Variants in RASEF observed in about 807,000 individuals in gnomAD.
RASEF encodes the protein ras and EF-hand domain-containing protein.
RASEF carries 68 observed loss-of-function variants against 90.1 expected under a neutral mutation model. The ratio of observed to expected loss-of-function variants is 0.75; its 90% confidence interval spans 0.62 to 0.92. The LOEUF (loss-of-function observed/expected upper bound fraction) is 0.92. RASEF is among the 40% of genes least tolerant of loss of function. RASEF has a pLI of 0.00. For missense variants in RASEF, 949 were observed against 937.2 expected, an observed-to-expected ratio of 1.01 and a Z score of -0.16; for synonymous variants, 331 against 345.2, an observed-to-expected ratio of 0.96 and a Z score of 0.46.
chr9:83,199,894 G>A, the RASEF span, among the ~76,000 whole-genome samples: 3 of 152,102 alleles, frequency 2.0e-5, no homozygotes, highest in African/African-American at 7.2e-5. Context: ...CATCAGTCAG[G>A]AACTGGTTAA....
At chr9:83,055,362 T>C (rs1830083705) in intron 1 of RASEF, 1 of 464,006 alleles carries the variant, frequency 2.2e-6, no homozygotes, top group African/African-American at 2.1e-5. Context: ...CCCTGACCCC[T>C]TGCGCTTCCC....
chr9:83,018,148 A>C (rs1430984114), intron 3 of RASEF, among the ~76,000 whole-genome samples: 2 of 152,242 alleles, frequency 1.3e-5, no homozygotes, highest in African/African-American at 4.8e-5. Flanking sequence ...TAAGGCAAGA[A>C]AAATAAAAAG....
chr9:83,133,395 T>C, the RASEF span, among the ~76,000 whole-genome samples: 2 of 152,196 alleles, frequency 1.3e-5, no homozygotes, highest in Non-Finnish European at 2.9e-5. Flanking sequence ...GAAATGGTAA[T>C]TAAGCTAAAG....
chr9:83,071,477 C>T, the RASEF span, among the ~76,000 whole-genome samples: 1 of 152,288 alleles, frequency 6.6e-6, no homozygotes, highest in South Asian at 2.1e-4. Flanking sequence ...ACCATCTCAG[C>T]TCATGGCAAC....
chr9:83,129,276 G>A, the RASEF span, among the ~76,000 whole-genome samples: 3 of 151,808 alleles, frequency 2.0e-5, no homozygotes, highest in Admixed American at 6.6e-5. Context: ...GCATGGTGGC[G>A]GGCACCTGTG....
the RASEF span, among the ~76,000 whole-genome samples, chr9:83,145,574 A>G: frequency 2.6e-5 from 4 of 152,094 alleles, no homozygotes; most frequent in Admixed American, 1.3e-4. Flanking sequence ...AGGTTGGTCT[A>G]TTGACAGAGC....
At chr9:83,199,744 G>A in the RASEF span, among the ~76,000 whole-genome samples, 6 of 152,216 alleles carry the variant, frequency 3.9e-5, no homozygotes, top group South Asian at 2.1e-4. Context: ...CAGGGCATGG[G>A]TGCTGGTGAG....
At chr9:83,169,578 TTTTGTTTG>T in the RASEF span, among the ~76,000 whole-genome samples, 1 of 151,744 alleles carries the variant, frequency 6.6e-6, no homozygotes, top group African/African-American at 2.4e-5. Context: ...TTTTTGTTTG[TTTTGTTTG>T]TTTGTTTGTT....
the RASEF span, among the ~76,000 whole-genome samples, chr9:83,131,435 A>C: frequency 6.6e-6 from 1 of 152,190 alleles, no homozygotes; most frequent in Non-Finnish European, 1.5e-5. Flanking sequence ...TAACAACTGT[A>C]TACTGGATTT....
At chr9:83,132,515 G>A in the RASEF span, among the ~76,000 whole-genome samples, 1 of 152,118 alleles carries the variant, frequency 6.6e-6, no homozygotes, top group Non-Finnish European at 1.5e-5. Flanking sequence ...AGTGATTATT[G>A]TCTTATGCCT....
At chr9:83,089,372 C>G in the RASEF span, among the ~76,000 whole-genome samples, 1 of 152,030 alleles carries the variant, frequency 6.6e-6, no homozygotes, top group Non-Finnish European at 1.5e-5. Context: ...GTTACCTGTT[C>G]TAGTGCTCTT....
chr9:83,113,069 A>T, the RASEF span, among the ~76,000 whole-genome samples: 1 of 152,216 alleles, frequency 6.6e-6, no homozygotes, highest in Non-Finnish European at 1.5e-5. Context: ...TAAAATATTG[A>T]TATCATAACC....
At chr9:83,195,384 G>A in the RASEF span, among the ~76,000 whole-genome samples, 1 of 152,162 alleles carries the variant, frequency 6.6e-6, no homozygotes, top group Non-Finnish European at 1.5e-5. Flanking sequence ...AGGGTCTGGG[G>A]TATCTAATAA....
intron 1 of RASEF, among the ~76,000 whole-genome samples, chr9:83,036,978 T>C (rs1255223554): frequency 6.6e-6 from 1 of 151,740 alleles, no homozygotes; most frequent in Non-Finnish European, 1.5e-5. Flanking sequence ...GTGCCCTACA[T>C]ACAGTGGTAT....
At chr9:83,180,274 T>G in the RASEF span, among the ~76,000 whole-genome samples, 1 of 152,252 alleles carries the variant, frequency 6.6e-6, no homozygotes, top group East Asian at 1.9e-4. Context: ...TTACCCTGCA[T>G]CTTGGAATCA....
At chr9:83,101,018 A>G in the RASEF span, among the ~76,000 whole-genome samples, 1 of 152,152 alleles carries the variant, frequency 6.6e-6, no homozygotes, top group Non-Finnish European at 1.5e-5. Flanking sequence ...CCAGTTTCAA[A>G]TATTTCTTTT....
intron 1 of RASEF, among the ~76,000 whole-genome samples, chr9:83,055,855 C>A (rs138691784): frequency 1.1e-3 from 160 of 152,270 alleles, no homozygotes; most frequent in Non-Finnish European, 1.6e-3. Flanking sequence ...GAGAAACATT[C>A]GATGTGAAAC....
the RASEF span, among the ~76,000 whole-genome samples, chr9:83,073,665 A>G: frequency 6.6e-6 from 1 of 152,262 alleles, no homozygotes; most frequent in Non-Finnish European, 1.5e-5. Flanking sequence ...TAGTGTACAT[A>G]TAAAGCCACT....
At chr9:83,136,047 A>G in the RASEF span, among the ~76,000 whole-genome samples, 1 of 151,978 alleles carries the variant, frequency 6.6e-6, no homozygotes, top group Admixed American at 6.6e-5. Flanking sequence ...CATATATATG[A>G]TATATAGTAG....
Sources: allele counts gnomAD v4.1 joint callset (sites outside exome capture counted in the v4.1 genomes callset), GRCh38; gene constraint gnomAD v4.1.1; transcripts MANE v1.5; gene names NCBI Gene and HGNC (gene_info 2026-07-23, HGNC 2026-07-21).